PKD1L3: variants seen among roughly 807,000 people sequenced by gnomAD.
PKD1L3 encodes the protein polycystin-1-like protein 3.
A neutral mutation model predicts 184.1 loss-of-function variants in PKD1L3; 239 were observed. The observed-to-expected ratio is 1.30, with a 90% CI of 1.17 to 1.45. The LOEUF (loss-of-function observed/expected upper bound fraction) is 1.45. Ranked by LOEUF, PKD1L3 falls within the 40% of genes most tolerant of loss-of-function variation. PKD1L3 has a pLI of 0.00. For synonymous variants in PKD1L3, 996 were observed against 778.8 expected (o/e 1.28, Z -4.64); for missense variants, 2,660 against 2,067.2 (o/e 1.29, Z -5.56).
At chr16:71,985,380 G>A (rs573148400) in intron 5 of PKD1L3, among the ~76,000 whole-genome samples, 1 of 152,162 alleles carries the variant, frequency 6.6e-6, no homozygotes, top group Non-Finnish European at 1.5e-5. Context: ...AAAGCATGAG[G>A]GAAGCAGGAT....
intron 22 of PKD1L3, among the ~76,000 whole-genome samples, chr16:71,945,228 G>T (rs116716469): frequency 2.5e-5 from 3 of 122,070 alleles, no homozygotes; most frequent in African/African-American, 9.1e-5. Context: ...ATTAAAATAT[G>T]GATTCTGGAG....
At chr16:71,942,499 G>C (rs1247023394) in intron 24 of PKD1L3, 61 bp downstream of exon 24, 1 of 1,375,998 alleles carries the variant, frequency 7.3e-7, no homozygotes, top group South Asian at 1.4e-5. Context: ...TCCTGGTTTT[G>C]CACTTATTGA....
At chr16:71,965,245 TA>T (rs1376197202) in intron 15 of PKD1L3, among the ~76,000 whole-genome samples, 5 of 152,230 alleles carry the variant, frequency 3.3e-5, no homozygotes, top group Non-Finnish European at 5.9e-5. Context: ...CGTTGAGTAG[TA>T]TTACATTGAA....
At chr16:71,995,140 T>C (rs1467859659) in intron 2 of PKD1L3, among the ~76,000 whole-genome samples, 1 of 152,162 alleles carries the variant, frequency 6.6e-6, no homozygotes, top group Non-Finnish European at 1.5e-5. Flanking sequence ...AAGAAGGCAC[T>C]GGCACTTGGA....
In PKD1L3 at chr16:71,937,400, CAA is replaced by C. The variant is rs1210389879; in HGVS notation, c.4342_4343del (p.Leu1448GlufsTer63). ...GAAGGGAAGTGAAGCTTTCCAGTCTCAAAGAGGTGAAGAAAGCACCTGAGAAT... is the reference window on the plus strand; with the variant it reads ...GAAGGGAAGTGAAGCTTTCCAGTCTCAGAGGTGAAGAAAGCACCTGAGAAT... The part of the protein sequence containing the change: ...YIMRGAFFTS[L>X]RLESFTSLQM... On this transcript the variant is annotated frameshift_variant, in exon 25 of 30. Transcript: ENST00000620267. LOFTEE classifies it high-confidence loss of function. 7 of 1,551,496 alleles carry C rather than the reference CAA, an allele frequency of 4.5e-6. No homozygotes were observed. The East Asian group carries it at 1.2e-4, about 27-fold the overall frequency.
chr16:71,984,537 C>G (rs530886180), intron 5 of PKD1L3, among the ~76,000 whole-genome samples: 2 of 152,220 alleles, frequency 1.3e-5, no homozygotes, highest in South Asian at 4.1e-4. Flanking sequence ...CTCAGGCTTC[C>G]CTGTGTGTGT....
At chr16:71,947,624 G>T (rs1414107054) in intron 21 of PKD1L3, 33 bp from the exon 22 acceptor site, 1 of 1,365,300 alleles carries the variant, frequency 7.3e-7, no homozygotes, top group East Asian at 2.5e-5. Context: ...ATCGTGAGCA[G>T]ACATTACAGA....
At chr16:71,993,439 T>C in intron 2 of PKD1L3, 107 bp from the exon 3 acceptor site, 5 of 707,386 alleles carry the variant, frequency 7.1e-6, no homozygotes, top group Non-Finnish European at 8.9e-6. Context: ...AAACACAAAT[T>C]AAAAATTCCT....
At position 71,937,281 on chromosome 16, in the gene PKD1L3, T is replaced by C. The variant is rs539106323; in HGVS notation, c.4452+11A>G. 1.3e-6 allele frequency: 2 copies of C among 1,548,528 alleles called. No individual in the cohort carries two copies. On this transcript the variant is annotated intron_variant, in intron 25 of 29. Coordinates refer to ENST00000620267, the MANE Select transcript of PKD1L3 (RefSeq NM_181536.2). ...TGTTGCCCAGGCTGACATCTAACAT[T>C]ATTGACTCACCTGTATGAAGGCATA...
At chr16:71,982,574 C>T (rs1203085269) in intron 6 of PKD1L3, among the ~76,000 whole-genome samples, 1 of 150,210 alleles carries the variant, frequency 6.7e-6, no homozygotes, top group African/African-American at 2.5e-5. Flanking sequence ...TGTGAGCCAC[C>T]ACGCCCAGCC....
chr16:71,986,142 C>A (rs1308686123), intron 5 of PKD1L3, 79 bp downstream of exon 5: 46 of 1,489,666 alleles, frequency 3.1e-5, no homozygotes, highest in African/African-American at 5.6e-5. Flanking sequence ...AGGTGTAGTT[C>A]TGCAGGGAGG....
At chr16:71,950,391 G>C (rs543472990) in intron 19 of PKD1L3, 81 bp from the exon 20 acceptor site, 1 of 1,230,512 alleles carries the variant, frequency 8.1e-7, no homozygotes, top group Non-Finnish European at 1.1e-6. Context: ...ACAATTCATT[G>C]ATGGATGATG....
At chr16:71,999,003 G>A (rs2040880183) in intron 1 of PKD1L3, among the ~76,000 whole-genome samples, 1 of 152,104 alleles carries the variant, frequency 6.6e-6, no homozygotes, top group African/African-American at 2.4e-5. Flanking sequence ...CGGGCGCGGT[G>A]GCTCACGCCT....
intron 4 of PKD1L3, among the ~76,000 whole-genome samples, chr16:71,989,754 C>A (rs555047156): frequency 6.6e-6 from 1 of 152,234 alleles, no homozygotes; most frequent in East Asian, 1.9e-4. Flanking sequence ...ATAATTACAT[C>A]AGCATGAAAG....
rs1567548197 is a variant in PKD1L3 at position 71,986,395 on chromosome 16, G to GCTAGATGCA, written c.659_660insTGCATCTAG (p.Ser222_Glu223insSerAlaSer). On this transcript the variant is annotated inframe_insertion, in exon 5 of 30. Transcript: ENST00000620267. ...GAGGCTGGCTGCTGGGTTCAGATGCGGCTGATGTTACCTGTGATGTGATAC... is the reference window on the plus strand; with the variant it reads ...GAGGCTGGCTGCTGGGTTCAGATGCGCTAGATGCAGCTGATGTTACCTGTGATGTGATAC... 6.4e-7 allele frequency: 1 copy of GCTAGATGCA among 1,551,480 alleles called. No individual in the cohort carries two copies. Among genetic ancestry groups the GCTAGATGCA allele is most frequent in the African/African-American group, 1.4e-5 (1 of 72,982 alleles).
chr16:71,955,816 C>T lies in PKD1L3; in HGVS notation c.2613-1515G>A, dbSNP rs916400183. 2.9e-4 allele frequency among the ~76,000 whole-genome samples: 44 copies of T among 152,106 alleles called. 1 individual carries two copies. Among genetic ancestry groups the T allele is most frequent in the Admixed American group, 2.5e-3 (38 of 15,268 alleles). ...CAAGACCTGATGGTTTTATAAGGTGCTCCCCACTTCACTGGGCACTCATTC... is the reference window on the plus strand; with the variant it reads ...CAAGACCTGATGGTTTTATAAGGTGTTCCCCACTTCACTGGGCACTCATTC... On this transcript the variant is annotated intron_variant, in intron 16 of 29. Transcript: ENST00000620267.
At chr16:71,977,146 G>T in intron 11 of PKD1L3, 90 bp downstream of exon 11, 6 of 1,002,284 alleles carry the variant, frequency 6.0e-6, no homozygotes, top group Non-Finnish European at 7.5e-6. Context: ...CTGACAGTTT[G>T]AGGCTGCAGT....
At chr16:71,959,266 C>A (rs58609735) in intron 16 of PKD1L3, among the ~76,000 whole-genome samples, 38,478 of 151,646 alleles carry the variant, frequency 0.25, 5,725 homozygotes, top group East Asian at 0.65. Context: ...CAAAATTAGT[C>A]GGGCATGGTG....
intron 11 of PKD1L3, among the ~76,000 whole-genome samples, chr16:71,975,752 GA>G (rs1273931240): frequency 2.0e-5 from 3 of 152,020 alleles, no homozygotes; most frequent in Non-Finnish European, 4.4e-5. Flanking sequence ...AAAAAAAAAT[GA>G]TTTTATGGTC....
Sources: gnomAD v4.1 joint callset for allele counts (sites outside exome capture counted in the v4.1 genomes callset) on GRCh38, gnomAD v4.1.1 for gene constraint, MANE v1.5 for transcripts, NCBI Gene and HGNC (gene_info 2026-07-23, HGNC 2026-07-21) for gene names.